SMG6: variants seen among roughly 807,000 people sequenced by gnomAD.
SMG6 encodes SMG6 nonsense mediated mRNA decay factor, also known as telomerase-binding protein EST1A.
SMG6 carries 66 observed loss-of-function variants against 142.2 expected under a neutral mutation model. That is an observed-to-expected ratio of 0.46 (90% CI 0.38 to 0.57). SMG6 has a LOEUF of 0.57. Among genes scored for constraint, SMG6 ranks in the 20% least tolerant of loss-of-function variants. The pLI is 0.00. For missense variants in SMG6, 1,793 were observed against 1,832.0 expected (o/e 0.98, Z 0.39); for synonymous variants, 779 against 702.4 (o/e 1.11, Z -1.72).
intron 11 of SMG6, among the ~76,000 whole-genome samples, 158 bp downstream of exon 11, chr17:2,188,241 G>C (rs2072050639): frequency 6.6e-6 from 1 of 152,100 alleles, no homozygotes; most frequent in African/African-American, 2.4e-5. Flanking sequence ...AAAAGGAAAT[G>C]GGACTAGTTA....
chr17:2,187,874 T>C (rs569015878), intron 11 of SMG6, among the ~76,000 whole-genome samples: 11 of 152,244 alleles, frequency 7.2e-5, no homozygotes, highest in African/African-American at 1.9e-4. Flanking sequence ...CCTTCAGCCC[T>C]ACCTTCTACT....
intron 8 of SMG6, chr17:2,265,854 G>A (rs551624405): frequency 1.0e-5 from 3 of 292,636 alleles, no homozygotes; most frequent in South Asian, 1.3e-4. Flanking sequence ...GTGTGATGGA[G>A]TATGCTATAA....
At chr17:2,080,930 C>T (rs543864173) in intron 15 of SMG6, among the ~76,000 whole-genome samples, 8 of 152,312 alleles carry the variant, frequency 5.3e-5, no homozygotes, top group Admixed American at 2.0e-4. Context: ...CCACCGCGCC[C>T]GGCCAGCACT....
intron 13 of SMG6, among the ~76,000 whole-genome samples, chr17:2,111,290 G>A (rs191619840): frequency 1.4e-4 from 21 of 152,260 alleles, no homozygotes; most frequent in Middle Eastern, 3.4e-3. Flanking sequence ...GACAGAGAGC[G>A]GCAGGGTGGG....
intron 16 of SMG6, 95 bp from the exon 17 acceptor site, chr17:2,065,774 A>C: frequency 9.7e-7 from 1 of 1,031,884 alleles, no homozygotes. Flanking sequence ...ACCTTCCCAG[A>C]CCAGAATCCA....
At chr17:2,176,846 C>T (rs1247505898) in intron 12 of SMG6, among the ~76,000 whole-genome samples, 1 of 152,156 alleles carries the variant, frequency 6.6e-6, no homozygotes, top group Non-Finnish European at 1.5e-5. Flanking sequence ...GGCTCACTTG[C>T]TTCCCTACAG....
At chr17:2,273,486 A>G (rs908507578) in intron 8 of SMG6, among the ~76,000 whole-genome samples, 7 of 152,184 alleles carry the variant, frequency 4.6e-5, no homozygotes, top group Non-Finnish European at 8.8e-5. Context: ...TACACAAATT[A>G]GCCAGGCATG....
rs764992903 is a variant in SMG6, at chr17:2,186,655, C to G, written c.3155+8G>C. 2 of 1,613,966 alleles carry G rather than the reference C, an allele frequency of 1.2e-6. No individual in the cohort carries two copies. Among genetic ancestry groups the G allele is most frequent in the Non-Finnish European group, 1.7e-6 (2 of 1,179,902 alleles). On this transcript the variant is annotated splice_region_variant and intron_variant, in intron 12 of 18. Transcript: ENST00000263073. ...AGTGGTGCTGAAGCAATGGGCAGGT[C>G]AACTCACTGCGAGGGCAGATCCAGG...
chr17:2,299,097 T>C lies in SMG6; in HGVS notation c.1656A>G (p.Gly552=). The C allele has an allele frequency of 3.7e-6, 6 of 1,614,072 alleles. No individual in the cohort carries two copies. The highest frequency in any genetic ancestry group is 5.1e-6 in the Non-Finnish European group (6 of 1,179,996). ...PYYPGYPTPS[G]QYVCSPLPTS... ...TAGGTAGAGGGCTACACACATACTG[T>C]CCTGACGGAGTCGGGTAGCCTGGGT... is the stretch of plus-strand genomic sequence containing the variant. Residue 552 remains glycine (G), a synonymous_variant, in exon 2 of 19, where the codon GGA becomes GGG. Coordinates refer to ENST00000263073, the MANE Select transcript of SMG6 (RefSeq NM_017575.5). The surrounding 1 kb of genome is among the most constrained non-coding windows in gnomAD (Gnocchi z 4.3).
At chr17:2,287,924 G>C (rs187369445) in intron 6 of SMG6, among the ~76,000 whole-genome samples, 3 of 152,300 alleles carry the variant, frequency 2.0e-5, no homozygotes, top group African/African-American at 7.2e-5. Context: ...TTATTTAATA[G>C]ATATGGAGTT....
At chr17:2,189,320 G>A (rs1419830035) in intron 10 of SMG6, among the ~76,000 whole-genome samples, 2 of 152,146 alleles carry the variant, frequency 1.3e-5, no homozygotes, top group African/African-American at 4.8e-5. Context: ...TGGGAGCTAT[G>A]TGGCATACTC....
At chr17:2,199,513 C>A (rs1007456345) in intron 10 of SMG6, among the ~76,000 whole-genome samples, 1 of 150,056 alleles carries the variant, frequency 6.7e-6, no homozygotes, top group Admixed American at 6.7e-5. Flanking sequence ...TGCACTCCAG[C>A]CTGGGTGACA....
chr17:2,216,721 A>T (rs2073030843), intron 10 of SMG6, among the ~76,000 whole-genome samples: 1 of 152,168 alleles, frequency 6.6e-6, no homozygotes, highest in Non-Finnish European at 1.5e-5. Flanking sequence ...CATTGTTAGG[A>T]ATTTGCTAAA....
chr17:2,155,524 A>G (rs564557882), intron 13 of SMG6, among the ~76,000 whole-genome samples: 1 of 152,246 alleles, frequency 6.6e-6, no homozygotes, highest in Non-Finnish European at 1.5e-5. Flanking sequence ...ATGAGGTTAC[A>G]TGACCATAAG....
chr17:2,295,497 A>G (rs572378553), intron 4 of SMG6, among the ~76,000 whole-genome samples: 1 of 152,140 alleles, frequency 6.6e-6, no homozygotes, highest in East Asian at 1.9e-4. Context: ...ATCTCTCTTC[A>G]CTACAATCCG....
At chr17:2,240,110 ACT>A (rs2073763945) in intron 9 of SMG6, 1 of 152,146 alleles carries the variant, frequency 6.6e-6, no homozygotes, top group Non-Finnish European at 1.5e-5. Context: ...ATCCGAGATG[ACT>A]CTGTCCCTAT....
intron 8 of SMG6, among the ~76,000 whole-genome samples, chr17:2,274,229 A>G (rs912619325): frequency 5.3e-5 from 8 of 152,214 alleles, no homozygotes; most frequent in African/African-American, 1.4e-4. Flanking sequence ...TCATAGAAAA[A>G]GTTTGCTGAC....
chr17:2,256,736 C>T (rs567806087), intron 8 of SMG6, among the ~76,000 whole-genome samples: 137 of 152,102 alleles, frequency 9.0e-4, no homozygotes, highest in Non-Finnish European at 1.6e-3. Flanking sequence ...GATGGTGCCA[C>T]TGCACTCCAG....
intron 10 of SMG6, among the ~76,000 whole-genome samples, chr17:2,196,034 T>A (rs1478099287): frequency 6.6e-6 from 1 of 152,166 alleles, no homozygotes; most frequent in Non-Finnish European, 1.5e-5. Context: ...CATGCCATCG[T>A]TTACAATAGT....
Sources: allele counts gnomAD v4.1 joint callset (sites outside exome capture counted in the v4.1 genomes callset), GRCh38; gene constraint gnomAD v4.1.1; non-coding constraint Gnocchi (gnomAD v3.1); transcripts MANE v1.5; gene names NCBI Gene and HGNC (gene_info 2026-07-23, HGNC 2026-07-21).